Variants in ADGB observed in about 807,000 individuals in gnomAD.
ADGB encodes calpain-7-like protein.
Under a neutral mutation model 210.5 loss-of-function variants are expected in ADGB, and 172 were observed. The observed-to-expected ratio is 0.82, with a 90% confidence interval of 0.72 to 0.93. The LOEUF is 0.93. ADGB is among the 40% of genes least tolerant of loss of function. The pLI is 0.00. For synonymous variants in ADGB, 658 were observed against 662.7 expected, an observed-to-expected ratio of 0.99 and a Z score of 0.11; for missense variants, 2,025 against 1,964.8, an observed-to-expected ratio of 1.03 and a Z score of -0.58.
chr6:146,683,386 C>G (rs1418747830), intron 9 of ADGB, among the ~76,000 whole-genome samples: 1 of 152,018 alleles, frequency 6.6e-6, no homozygotes, highest in Non-Finnish European at 1.5e-5. Context: ...ACATTCCTAT[C>G]CAGCTTTTAC....
At chr6:146,618,449 G>T (rs1780836289) in intron 1 of ADGB, among the ~76,000 whole-genome samples, 2 of 151,808 alleles carry the variant, frequency 1.3e-5, no homozygotes, top group Non-Finnish European at 2.9e-5. Flanking sequence ...TCCTTGAAGT[G>T]CATTATTAAG....
intron 13 of ADGB, among the ~76,000 whole-genome samples, chr6:146,709,077 C>T (rs1186501728): frequency 6.6e-6 from 1 of 152,010 alleles, no homozygotes. Flanking sequence ...AAAATAATTC[C>T]AATCTCTTTG....
chr6:146,657,623 C>A, intron 5 of ADGB, among the ~76,000 whole-genome samples: 1 of 152,102 alleles, frequency 6.6e-6, no homozygotes, highest in South Asian at 2.1e-4. Flanking sequence ...CTGAGGCGAG[C>A]GGGGCAGGCA....
intron 9 of ADGB, among the ~76,000 whole-genome samples, chr6:146,677,322 T>G (rs554413503): frequency 6.6e-6 from 1 of 152,276 alleles, no homozygotes; most frequent in East Asian, 1.9e-4. Context: ...AGGTTATCAT[T>G]TTCACCTCAT....
Position 146,724,290 on chromosome 6 carries a change from T to C in ADGB, c.2200T>C (p.Tyr734His). 6.5e-7 allele frequency: 1 copy of C among 1,550,056 alleles called. No individual in the cohort carries two copies. Reference protein sequence around the residue: ...PGSLVLKIHTYATKATVVRLP... With the variant: ...PGSLVLKIHTHATKATVVRLP... ...CAGTCTTGTTCTGAAGATTCACACA[T>C]ATGCTACCAAGGCTACAGTGGTTCG... Residue 734 changes from tyrosine to histidine, a missense_variant, in exon 18 of 36, where the codon TAT (tyrosine) becomes CAT (histidine). Transcript: ENST00000397944.
At chr6:146,603,005 G>A (rs1218100710) in intron 1 of ADGB, among the ~76,000 whole-genome samples, 1 of 152,124 alleles carries the variant, frequency 6.6e-6, no homozygotes, top group African/African-American at 2.4e-5. Context: ...ACATGCTAGA[G>A]AGAGAAGGCT....
intron 27 of ADGB, among the ~76,000 whole-genome samples, chr6:146,761,130 T>G (rs1777483473): frequency 6.6e-6 from 1 of 151,994 alleles, no homozygotes; most frequent in Non-Finnish European, 1.5e-5. Context: ...AAAAAATTAG[T>G]GCTATTTGTA....
In ADGB at chr6:146,685,729, TA is replaced by T. The variant is rs1389334655; in HGVS notation, c.1217-4del. 4.0e-6 allele frequency: 6 copies of T among 1,488,014 alleles called. No homozygotes were observed. The highest frequency in any genetic ancestry group is 4.5e-6 in the Non-Finnish European group (5 of 1,116,324). 92.2% of individuals were successfully genotyped at this position (1,488,014 alleles called of 1,614,324 possible). A position where few individuals can be genotyped will look rare whatever the true frequency, so the allele number is the denominator to read the frequency against. ...TTCACAACATAATGTATGTTTGTTTTACAGGTTCTTCTGCAATACAGACCTC... is the reference window on the plus strand; with the variant it reads ...TTCACAACATAATGTATGTTTGTTTTCAGGTTCTTCTGCAATACAGACCTC... On this transcript the variant is annotated splice_region_variant and splice_polypyrimidine_tract_variant and intron_variant, in intron 9 of 35. Transcript: ENST00000397944.
intron 14 of ADGB, among the ~76,000 whole-genome samples, 184 bp from the exon 15 acceptor site, chr6:146,716,699 A>C (rs1283505956): frequency 1.3e-5 from 2 of 152,050 alleles, no homozygotes; most frequent in African/African-American, 4.8e-5. Flanking sequence ...ATTGTGATTA[A>C]ATTCTCCTTT....
At chr6:146,706,850 T>TTTTG (rs1554235866) in intron 13 of ADGB, among the ~76,000 whole-genome samples, 1 of 150,412 alleles carries the variant, frequency 6.6e-6, no homozygotes, top group African/African-American at 2.4e-5. Context: ...TTAGTGTTTT[T>TTTTG]TTTTTTTTTT....
rs75373495 is a variant in ADGB, at chr6:146,701,636, G to A, written c.1707+566G>A. On this transcript the variant is annotated intron_variant, in intron 13 of 35. Transcript: ENST00000397944. ...AGTTTCAGGGTTCATAACCCTTTAC[G>A]TGCTATGGCTCCCCTTAACAATTTT... Among the ~76,000 whole-genome samples, 8 of 152,032 alleles carry A rather than the reference G, an allele frequency of 5.3e-5. No individual in the cohort carries two copies. The East Asian group carries it at 5.8e-4, about 11-fold the overall frequency.
intron 1 of ADGB, among the ~76,000 whole-genome samples, chr6:146,625,642 T>C (rs1780961112): frequency 6.6e-6 from 1 of 152,058 alleles, no homozygotes; most frequent in African/African-American, 2.4e-5. Flanking sequence ...TTCCCCCTCT[T>C]TCTCACTCCC....
chr6:146,611,530 T>C (rs1260792204), intron 1 of ADGB, among the ~76,000 whole-genome samples: 1 of 152,174 alleles, frequency 6.6e-6, no homozygotes, highest in African/African-American at 2.4e-5. Flanking sequence ...TGAAAGTTCA[T>C]GGCAAGAGTG....
chr6:146,710,632 T>C (rs1776645812), intron 13 of ADGB, among the ~76,000 whole-genome samples: 1 of 151,682 alleles, frequency 6.6e-6, no homozygotes, highest in Non-Finnish European at 1.5e-5. Flanking sequence ...TAGTGTTAAT[T>C]AGAAAGCAGA....
chr6:146,671,476 T>A (rs549049745), intron 7 of ADGB, among the ~76,000 whole-genome samples: 7 of 152,306 alleles, frequency 4.6e-5, no homozygotes, highest in Admixed American at 3.3e-4. Context: ...AAGTAGAAGG[T>A]GATGCAGGAC....
chr6:146,810,586 G>GTA (rs61479265), intron 35 of ADGB, among the ~76,000 whole-genome samples: 98,743 of 149,678 alleles, frequency 0.66, 33,679 homozygotes, highest in African/African-American at 0.86. Flanking sequence ...AGAAAATGTG[G>GTA]TATATATATA....
At chr6:146,630,698 G>A (rs1181563788) in intron 1 of ADGB, among the ~76,000 whole-genome samples, 3 of 152,170 alleles carry the variant, frequency 2.0e-5, no homozygotes, top group Admixed American at 6.6e-5. Flanking sequence ...ACAGTACATG[G>A]TCTTGTGCCC....
intron 13 of ADGB, among the ~76,000 whole-genome samples, chr6:146,708,384 T>C (rs2114554246): frequency 6.6e-6 from 1 of 152,236 alleles, no homozygotes; most frequent in East Asian, 1.9e-4. Context: ...TTCCCTGTAG[T>C]ATTTCTCATA....
chr6:146,710,076 A>G (rs1246593384), intron 13 of ADGB, among the ~76,000 whole-genome samples: 1 of 151,368 alleles, frequency 6.6e-6, no homozygotes, highest in East Asian at 1.9e-4. Flanking sequence ...ATATTCATAT[A>G]TAAATCTGGT....
Sources: allele counts gnomAD v4.1 joint callset (sites outside exome capture counted in the v4.1 genomes callset), GRCh38; gene constraint gnomAD v4.1.1; transcripts MANE v1.5; gene names NCBI Gene and HGNC (gene_info 2026-07-23, HGNC 2026-07-21).